Variants in TFPI observed in about 807,000 individuals in gnomAD.
TFPI encodes anti-convertin.
Under a neutral mutation model 34.6 loss-of-function variants are expected in TFPI, and 15 were observed. That is an observed-to-expected ratio of 0.43 (90% CI 0.29 to 0.67). The LOEUF (loss-of-function observed/expected upper bound fraction) is 0.67, where lower values mean the gene tolerates loss of function less well. Ranked by LOEUF, TFPI falls within the 30% of genes least tolerant of loss-of-function variation. TFPI has a pLI of 0.15. For synonymous variants in TFPI, 105 were observed against 120.1 expected (o/e 0.87, Z 0.82); for missense variants, 301 against 364.0 (o/e 0.83, Z 1.41).
chr2:187,532,337 A>G (rs1688002603), intron 1 of TFPI, among the ~76,000 whole-genome samples: 1 of 152,232 alleles, frequency 6.6e-6, no homozygotes. Flanking sequence ...CAGTGAGATC[A>G]ATGCAGAAGG....
intron 1 of TFPI, among the ~76,000 whole-genome samples, chr2:187,538,407 A>G (rs1688385606): frequency 6.6e-6 from 1 of 152,232 alleles, no homozygotes; most frequent in Non-Finnish European, 1.5e-5. Flanking sequence ...ATACAGCCAT[A>G]AAAAAGGATG....
At chr2:187,548,794 A>G (rs1300195861) in intron 1 of TFPI, among the ~76,000 whole-genome samples, 2 of 152,092 alleles carry the variant, frequency 1.3e-5, no homozygotes, top group African/African-American at 4.8e-5. Context: ...AGCTCACCAC[A>G]TATAGAAAAA....
chr2:187,515,923 A>G (rs1461321092), intron 1 of TFPI: 1 of 152,152 alleles, frequency 6.6e-6, no homozygotes, highest in Non-Finnish European at 1.5e-5. Context: ...GTGCTTCCCG[A>G]GAAAAGAGAA....
At chr2:187,483,278 C>A (rs1693012106) in intron 6 of TFPI, among the ~76,000 whole-genome samples, 1 of 151,612 alleles carries the variant, frequency 6.6e-6, no homozygotes, top group South Asian at 2.1e-4. Flanking sequence ...TTATTTTAAT[C>A]CTAAGATTGC....
intron 1 of TFPI, among the ~76,000 whole-genome samples, chr2:187,550,920 A>G (rs758491569): frequency 6.6e-6 from 1 of 152,118 alleles, no homozygotes; most frequent in Non-Finnish European, 1.5e-5. Context: ...ATGAATTATC[A>G]TAGAATTCAA....
At chr2:187,553,564 G>A (rs964045818) in intron 1 of TFPI, among the ~76,000 whole-genome samples, 13 of 152,054 alleles carry the variant, frequency 8.5e-5, no homozygotes, top group Non-Finnish European at 1.3e-4. Context: ...ATGTAGGCAT[G>A]TTATCTATTG....
chr2:187,531,533 T>A (rs1292567085), intron 1 of TFPI, among the ~76,000 whole-genome samples: 1 of 152,182 alleles, frequency 6.6e-6, no homozygotes, highest in Non-Finnish European at 1.5e-5. Flanking sequence ...TAAATTTTCA[T>A]ATCAATTTTT....
At chr2:187,502,469 A>G (rs1282373897) in intron 2 of TFPI, among the ~76,000 whole-genome samples, 1 of 152,124 alleles carries the variant, frequency 6.6e-6, no homozygotes, top group Non-Finnish European at 1.5e-5. Flanking sequence ...TAGAATTTTA[A>G]CCCACCACCT....
At chr2:187,477,956 C>G (rs562487230) in intron 6 of TFPI, among the ~76,000 whole-genome samples, 2 of 152,104 alleles carry the variant, frequency 1.3e-5, no homozygotes, top group Non-Finnish European at 2.9e-5. Flanking sequence ...GGAACTGGGT[C>G]AGGTATATAG....
intron 4 of TFPI, among the ~76,000 whole-genome samples, chr2:187,487,785 T>C (rs761541346): frequency 1.6e-4 from 24 of 151,626 alleles, no homozygotes; most frequent in Non-Finnish European, 3.3e-4. Flanking sequence ...TAGATATTTA[T>C]TTTTAAATAT....
chr2:187,511,678 T>C (rs976674534), intron 1 of TFPI, among the ~76,000 whole-genome samples: 3 of 152,132 alleles, frequency 2.0e-5, no homozygotes, highest in Non-Finnish European at 4.4e-5. Context: ...TTCAAAGGTA[T>C]GGCACAAGGT....
chr2:187,484,151 G>C lies in TFPI; in HGVS notation c.601C>G (p.Gln201Glu). The C allele has an allele frequency of 1.9e-6, 3 of 1,612,380 alleles. No homozygotes were observed. The highest frequency in any genetic ancestry group is 2.5e-6 in the Non-Finnish European group (3 of 1,178,824). Residue 201 changes from glutamine to glutamate, a missense_variant, in exon 6 of 8, where the codon CAA becomes GAA. Physicochemically the swap from Gln to Glu is conservative, Grantham distance 29. Coordinates refer to ENST00000233156, the MANE Select transcript of TFPI (RefSeq NM_006287.6). ...AAAAGGCTGGGAACCTTGGTTGATT[G>C]CGGAGTCAGGGAGTTATTCACAGCA... ...LNAVNNSLTP[Q>E]STKVPSLFEF...
intron 2 of TFPI, among the ~76,000 whole-genome samples, 184 bp downstream of exon 2, chr2:187,503,462 TAC>T (rs138349562): frequency 0.081 from 11,539 of 142,142 alleles, 487 homozygotes; most frequent in South Asian, 0.13. Context: ...CATGTGCATG[TAC>T]ACACACACAC....
intron 1 of TFPI, among the ~76,000 whole-genome samples, chr2:187,528,974 C>G (rs752756973): frequency 1.3e-5 from 2 of 152,080 alleles, no homozygotes; most frequent in Non-Finnish European, 2.9e-5. Flanking sequence ...AGATTTGATA[C>G]AGGCAGTCAC....
Position 187,465,512 on chromosome 2 carries a change from A to G in TFPI, c.*1424T>C, listed in dbSNP as rs867915316. ...AAAATGAAAAAAAAAAAAAAACAAG[A>G]AAAAAGAAAAGAAAAAGAAAAAAGT... On this transcript the variant is annotated 3_prime_UTR_variant, in exon 8 of 8. Coordinates refer to ENST00000233156, the MANE Select transcript of TFPI (RefSeq NM_006287.6). The G allele has an allele frequency of 2.0e-5, 3 of 147,160 alleles. No homozygotes were observed. The highest frequency in any genetic ancestry group is 4.5e-5 in the Non-Finnish European group (3 of 66,676). 9.1% of individuals were successfully genotyped at this position (147,160 alleles called of 1,614,324 possible).
At chr2:187,472,635 A>G (rs532359400) in intron 6 of TFPI, among the ~76,000 whole-genome samples, 1 of 152,358 alleles carries the variant, frequency 6.6e-6, no homozygotes, top group South Asian at 2.1e-4. Context: ...AGCTTGCCAA[A>G]TGTTATATGA....
At chr2:187,496,051 T>C (rs1329481449) in intron 3 of TFPI, among the ~76,000 whole-genome samples, 3 of 152,142 alleles carry the variant, frequency 2.0e-5, no homozygotes, top group Non-Finnish European at 4.4e-5. Flanking sequence ...TGTTAAATTT[T>C]AGTAGGATTA....
intron 4 of TFPI, 34 bp from the exon 5 acceptor site, chr2:187,485,021 CT>C: frequency 2.1e-6 from 3 of 1,412,264 alleles, no homozygotes; most frequent in Non-Finnish European, 2.8e-6. Flanking sequence ...AAGCAATATT[CT>C]TTTGTGTAAA....
intron 6 of TFPI, among the ~76,000 whole-genome samples, chr2:187,483,185 A>G (rs1304545017): frequency 6.6e-6 from 1 of 151,790 alleles, no homozygotes; most frequent in Non-Finnish European, 1.5e-5. Context: ...TGTAAAGAGG[A>G]GTAGCTCAAA....
Sources: gnomAD v4.1 joint callset for allele counts (sites outside exome capture counted in the v4.1 genomes callset) on GRCh38, gnomAD v4.1.1 for gene constraint, MANE v1.5 for transcripts, NCBI Gene and HGNC (gene_info 2026-07-23, HGNC 2026-07-21) for gene names.